Variants in STK32B observed in about 807,000 individuals in gnomAD.
The protein encoded by STK32B is serine/threonine kinase 32B.
A neutral mutation model predicts 52.6 loss-of-function variants in STK32B; 43 were observed. That is an observed-to-expected ratio of 0.82 (90% CI 0.64 to 1.05). The LOEUF (loss-of-function observed/expected upper bound fraction) is 1.05. STK32B is among the 50% of genes least tolerant of loss of function. The pLI, the probability that STK32B is intolerant of heterozygous loss-of-function variation, is 0.00. For synonymous variants in STK32B, 238 were observed against 204.3 expected, an observed-to-expected ratio of 1.17 and a Z score of -1.41; for missense variants, 621 against 534.6, an observed-to-expected ratio of 1.16 and a Z score of -1.59.
At chr4:5,311,914 A>ATATATATTTT (rs143725868) in intron 3 of STK32B, among the ~76,000 whole-genome samples, 10 of 145,410 alleles carry the variant, frequency 6.9e-5, no homozygotes, top group Admixed American at 2.7e-4. Context: ...ATATATATAT[A>ATATATATTTT]TTTTTTTTTA....
At chr4:5,270,963 CA>C (rs1190884725) in intron 3 of STK32B, among the ~76,000 whole-genome samples, 1 of 145,198 alleles carries the variant, frequency 6.9e-6, no homozygotes, top group African/African-American at 2.5e-5. Context: ...CGCCCAGAGA[CA>C]GAGTGCTGTG....
intron 4 of STK32B, among the ~76,000 whole-genome samples, chr4:5,335,201 C>A (rs1211857074): frequency 6.6e-6 from 1 of 152,128 alleles, no homozygotes; most frequent in Non-Finnish European, 1.5e-5. Context: ...CTGGTTTAGT[C>A]TTGGGAGGGT....
chr4:5,264,611 C>T (rs1360600523), intron 3 of STK32B, among the ~76,000 whole-genome samples: 7 of 150,736 alleles, frequency 4.6e-5, no homozygotes, highest in Non-Finnish European at 7.4e-5. Flanking sequence ...ACAATGAAAC[C>T]CTGTCTCTAC....
intron 3 of STK32B, among the ~76,000 whole-genome samples, chr4:5,312,342 G>T (rs1033542631): frequency 6.6e-6 from 1 of 151,350 alleles, no homozygotes; most frequent in Non-Finnish European, 1.5e-5. Flanking sequence ...CAATGTGCAG[G>T]TAGTTACATA....
chr4:5,113,632 C>T (rs1157327482), intron 1 of STK32B, among the ~76,000 whole-genome samples: 1 of 152,194 alleles, frequency 6.6e-6, no homozygotes, highest in Non-Finnish European at 1.5e-5. Context: ...CATTCTTCTA[C>T]TACTAAAACC....
chr4:5,098,195 T>C (rs1713507163), intron 1 of STK32B, among the ~76,000 whole-genome samples: 1 of 152,218 alleles, frequency 6.6e-6, no homozygotes, highest in Admixed American at 6.5e-5. Context: ...AAAGTTGCAT[T>C]GCACAGGGTG....
chr4:5,243,354 T>G (rs1319030814), intron 3 of STK32B, among the ~76,000 whole-genome samples: 2 of 152,088 alleles, frequency 1.3e-5, no homozygotes, highest in Non-Finnish European at 2.9e-5. Flanking sequence ...TGAATGGGAG[T>G]TCACTCATGA....
At chr4:5,496,139 G>T (rs1031317744) in intron 11 of STK32B, among the ~76,000 whole-genome samples, 4 of 152,236 alleles carry the variant, frequency 2.6e-5, no homozygotes, top group African/African-American at 9.6e-5. Context: ...GTCTGCAGAG[G>T]TTACTGCTGT....
At chr4:5,024,319 C>T in the STK32B span, among the ~76,000 whole-genome samples, 1 of 152,198 alleles carries the variant, frequency 6.6e-6, no homozygotes. Flanking sequence ...CAAGGCTTCC[C>T]TGAGGAAGAA....
At chr4:5,243,380 G>C (rs2108820270) in intron 3 of STK32B, among the ~76,000 whole-genome samples, 1 of 152,234 alleles carries the variant, frequency 6.6e-6, no homozygotes, top group African/African-American at 2.4e-5. Flanking sequence ...CTCTCTGTTT[G>C]TCTGTTATTG....
chr4:5,493,035 A>G (rs948638396), intron 11 of STK32B, among the ~76,000 whole-genome samples: 1 of 151,372 alleles, frequency 6.6e-6, no homozygotes, highest in African/African-American at 2.5e-5. Flanking sequence ...TTGGTCTAAA[A>G]TTCTCTTTTA....
At chr4:5,465,707 TC>T (rs1717376548) in intron 9 of STK32B, among the ~76,000 whole-genome samples, 1 of 152,076 alleles carries the variant, frequency 6.6e-6, no homozygotes, top group Non-Finnish European at 1.5e-5. Flanking sequence ...GTTATGAATC[TC>T]CCTCAGCATC....
intron 3 of STK32B, among the ~76,000 whole-genome samples, chr4:5,296,615 G>C (rs1163466358): frequency 6.6e-6 from 1 of 152,082 alleles, no homozygotes; most frequent in Non-Finnish European, 1.5e-5. Context: ...CATTTGCTTG[G>C]TGAATATCCC....
chr4:5,188,775 T>C (rs1720942436), intron 3 of STK32B, among the ~76,000 whole-genome samples: 1 of 148,992 alleles, frequency 6.7e-6, no homozygotes, highest in South Asian at 2.1e-4. Context: ...ATAACTGCCA[T>C]CTTTTTTTTT....
chr4:5,222,248 T>C (rs1336060945), intron 3 of STK32B, among the ~76,000 whole-genome samples: 1 of 151,686 alleles, frequency 6.6e-6, no homozygotes, highest in Non-Finnish European at 1.5e-5. Context: ...GTACCAAGAG[T>C]GGGGTGTTAC....
intron 2 of STK32B, among the ~76,000 whole-genome samples, chr4:5,159,783 T>G (rs186738748): frequency 7.7e-6 from 1 of 130,678 alleles, no homozygotes; most frequent in African/African-American, 3.0e-5. Context: ...ATATGAATGT[T>G]TATGAATATA....
intron 7 of STK32B, 44 bp downstream of exon 7, chr4:5,446,820 G>A (rs765368925): frequency 3.8e-6 from 6 of 1,592,586 alleles, no homozygotes; most frequent in African/African-American, 1.3e-5. Flanking sequence ...GCTGTGCAGT[G>A]GGGGCTCACG....
chr4:5,060,720 TTTGTAC>T (rs2108757886), intron 1 of STK32B, among the ~76,000 whole-genome samples: 1 of 152,340 alleles, frequency 6.6e-6, no homozygotes. Context: ...ATTTTTTCAC[TTTGTAC>T]TTGTCTGAAA....
chr4:5,450,851 C>A (rs2109130482), intron 7 of STK32B, among the ~76,000 whole-genome samples: 1 of 152,248 alleles, frequency 6.6e-6, no homozygotes, highest in Non-Finnish European at 1.5e-5. Context: ...CCCAATTTAG[C>A]ATCTTCAAGC....
Sources: gnomAD v4.1 joint callset for allele counts (sites outside exome capture counted in the v4.1 genomes callset) on GRCh38, gnomAD v4.1.1 for gene constraint, MANE v1.5 for transcripts, NCBI Gene and HGNC (gene_info 2026-07-23, HGNC 2026-07-21) for gene names.